The following CRACR2A variants were observed in gnomAD, a reference collection of about 807,000 sequenced individuals.
CRACR2A encodes EF-hand calcium-binding domain-containing protein 4B.
In CRACR2A, 79 loss-of-function variants were observed where a neutral mutation model predicts 90.5. The ratio of observed to expected loss-of-function variants is 0.87; its 90% confidence interval spans 0.73 to 1.05. The LOEUF is 1.05. Among genes scored for constraint, CRACR2A ranks in the 50% least tolerant of loss-of-function variants. The pLI, the probability that CRACR2A is intolerant of heterozygous loss-of-function variation, is 0.00. For missense variants in CRACR2A, 823 were observed against 897.2 expected (o/e 0.92, Z 1.06); for synonymous variants, 338 against 356.7 (o/e 0.95, Z 0.59).
intron 15 of CRACR2A, among the ~76,000 whole-genome samples, chr12:3,630,944 C>T (rs1944365784): frequency 6.6e-6 from 1 of 152,222 alleles, no homozygotes. Context: ...GCTGGAAGAA[C>T]AACCAAAGCC....
chr12:3,696,766 A>T lies in CRACR2A; in HGVS notation c.228+6T>A. ...AGTGGGCAGGCCTACCTGGGACCCC[A>T]CTTACCTGCATATCCTTCCTGGCGA... is the stretch of plus-strand genomic sequence containing the variant. On this transcript the variant is annotated splice_donor_region_variant and intron_variant, in intron 4 of 19. Coordinates refer to ENST00000440314, the MANE Select transcript of CRACR2A (RefSeq NM_001144958.2). The T allele has an allele frequency of 6.2e-7, 1 of 1,614,138 alleles. No homozygotes were observed. Among genetic ancestry groups the T allele is most frequent in the African/African-American group, 1.3e-5 (1 of 75,042 alleles).
At chr12:3,667,575 T>A (rs1173575037) in intron 7 of CRACR2A, among the ~76,000 whole-genome samples, 1 of 152,052 alleles carries the variant, frequency 6.6e-6, no homozygotes, top group Non-Finnish European at 1.5e-5. Context: ...TCTCAAGAAG[T>A]CTGCTCTTTG....
intron 7 of CRACR2A, 38 bp from the exon 8 acceptor site, chr12:3,659,692 C>T: frequency 2.0e-6 from 3 of 1,535,640 alleles, no homozygotes; most frequent in Non-Finnish European, 2.7e-6. Flanking sequence ...ATTGAGGTTC[C>T]CCTACTCCAC....
intron 6 of CRACR2A, among the ~76,000 whole-genome samples, 194 bp from the exon 7 acceptor site, chr12:3,673,786 A>C (rs1337769462): frequency 6.6e-6 from 1 of 152,218 alleles, no homozygotes; most frequent in Admixed American, 6.5e-5. Context: ...CGTCCTCACA[A>C]TAACCCTACA....
At chr12:3,627,953 C>G (rs1944297066) in intron 15 of CRACR2A, among the ~76,000 whole-genome samples, 1 of 152,086 alleles carries the variant, frequency 6.6e-6, no homozygotes, top group African/African-American at 2.4e-5. Context: ...CTTAACCACT[C>G]TGAACTGTGG....
Position 3,626,593 on chromosome 12 carries a change from C to T in CRACR2A, c.1932+843G>A, listed in dbSNP as rs145469133. Among the ~76,000 whole-genome samples the T allele has an allele frequency of 1.4e-4, 22 of 152,192 alleles. No homozygotes were observed. In the East Asian group the frequency reaches 2.3e-3, roughly 16 times the overall value. ...TCCCAGGCTCTAGAATAGTGCCTGC[C>T]GGTGTTTTGAACAAATACGTGAACA... On this transcript the variant is annotated intron_variant, in intron 17 of 19. Transcript: ENST00000440314.
chr12:3,640,764 ATC>A, intron 13 of CRACR2A: 1 of 1,305,378 alleles, frequency 7.7e-7, no homozygotes, highest in Non-Finnish European at 1.0e-6. Context: ...GGATGCCTCT[ATC>A]TCTCTGTGGC....
Position 3,633,842 on chromosome 12 carries a change from G to A in CRACR2A, c.1603-106C>T. ...ATCCCTACAGTGGCCCTCAGGAGGT[G>A]CAGACCGGCCTCTAGACCTGCACCA... is the stretch of plus-strand genomic sequence containing the variant. On this transcript the variant is annotated intron_variant, in intron 14 of 19. Transcript: ENST00000440314. The surrounding 1 kb of genome is among the most constrained non-coding windows in gnomAD (Gnocchi z 4.5). The A allele has an allele frequency of 1.4e-6, 2 of 1,468,038 alleles. No individual in the cohort carries two copies. Among genetic ancestry groups the A allele is most frequent in the East Asian group, 2.5e-5 (1 of 40,442 alleles). The allele number at this position is 1,468,038 out of a possible 1,614,324, so 90.9% of individuals were successfully genotyped here.
chr12:3,742,698 T>A (rs1946547515), intron 1 of CRACR2A, among the ~76,000 whole-genome samples: 1 of 152,244 alleles, frequency 6.6e-6, no homozygotes, highest in South Asian at 2.1e-4. Flanking sequence ...AGACACTGTC[T>A]ATAAGATGGA....
At chr12:3,698,094 C>T (rs999781706) in intron 3 of CRACR2A, among the ~76,000 whole-genome samples, 3 of 152,194 alleles carry the variant, frequency 2.0e-5, no homozygotes, top group East Asian at 1.9e-4. Flanking sequence ...TCTGTGAAAT[C>T]GCCACATCAT....
rs1398939152 is a variant in CRACR2A at position 3,644,633 on chromosome 12, T to A, written c.1126A>T (p.Asn376Tyr). The A allele has an allele frequency of 1.9e-6, 3 of 1,551,686 alleles. No individual in the cohort carries two copies. Among genetic ancestry groups the A allele is most frequent in the East Asian group, 2.4e-5 (1 of 40,922 alleles). Residue 376 changes from asparagine to tyrosine, a missense_variant, in exon 12 of 20, where the codon AAC (asparagine) becomes TAC (tyrosine). By Grantham distance (143) the Asn-to-Tyr change is moderately radical (BLOSUM62 -2). Transcript: ENST00000440314. ...LKQLDFLRER[N>Y]KHLRDERDIC... Reference sequence around the variant, plus strand: ...TCCCGTTCATCCCGAAGGTGCTTGTTCCTTTCCCTGTGGATGGTAAAGGGG... The same window carrying A: ...TCCCGTTCATCCCGAAGGTGCTTGTACCTTTCCCTGTGGATGGTAAAGGGG...
rs17697920 is a variant in CRACR2A, at chr12:3,673,535, C to T, written c.582G>A (p.Leu194=). The T allele has an allele frequency of 0.16, 253,219 of 1,613,470 alleles. 21,724 individuals are homozygous for T. Among genetic ancestry groups the T allele is most frequent in the Admixed American group, 0.29 (17,114 of 59,912 alleles). ...TGGTCAGGAAGTCTTCAAAGTTGGACAGTAAATGAGGTTCCTCCTTCTTCA... is the reference window on the plus strand; with the variant it reads ...TGGTCAGGAAGTCTTCAAAGTTGGATAGTAAATGAGGTTCCTCCTTCTTCA... ...LQLKKEEPHL[L]SNFEDFLTRI... is the part of the protein sequence containing the mutation. The change falls in exon 7 of 20, where the codon CTG becomes CTA. Residue 194 remains leucine, a synonymous_variant. Transcript: ENST00000440314.
chr12:3,720,158 A>G (rs1306856995), intron 2 of CRACR2A, among the ~76,000 whole-genome samples: 1 of 115,992 alleles, frequency 8.6e-6, no homozygotes, highest in Non-Finnish European at 1.7e-5. Flanking sequence ...AGAAAGAAAG[A>G]GAGAGAGAGA....
intron 11 of CRACR2A, 176 bp downstream of exon 11, chr12:3,648,364 CAT>C (rs1207822034): frequency 2.6e-6 from 4 of 1,512,218 alleles, no homozygotes; most frequent in Non-Finnish European, 3.5e-6. Flanking sequence ...ACGGACCAAA[CAT>C]AATAGAGTGG....
At chr12:3,712,911 ACCC>A (rs1170725106) in intron 3 of CRACR2A, among the ~76,000 whole-genome samples, 1 of 151,776 alleles carries the variant, frequency 6.6e-6, no homozygotes, top group African/African-American at 2.4e-5. Flanking sequence ...GGGCTAGCAG[ACCC>A]TCTCTGGAGG....
chr12:3,700,529 A>G (rs1453362705), intron 3 of CRACR2A, among the ~76,000 whole-genome samples: 1 of 152,258 alleles, frequency 6.6e-6, no homozygotes, highest in Non-Finnish European at 1.5e-5. Flanking sequence ...CTGGAAAAAG[A>G]TATAACACAT....
In CRACR2A at chr12:3,627,456, G is replaced by C. The variant is rs745880894; in HGVS notation, c.1912C>G (p.Arg638Gly). 3.2e-6 allele frequency: 5 copies of C among 1,551,918 alleles called. No homozygotes were observed. The East Asian group carries it at 1.2e-4, about 38-fold the overall frequency. Residue 638 changes from arginine to glycine, a missense_variant, in exon 17 of 20, where the codon CGG (arginine) becomes GGG (glycine). Transcript: ENST00000440314. ...TDKQSFLSVR[R>G]WLSSVEEAVG... ...CTCACCTCCACGCTGCTCAGCCACC[G>C]CCGGACCGACAGGAACGACTGCTTG...
intron 15 of CRACR2A, among the ~76,000 whole-genome samples, chr12:3,629,852 G>A (rs530391977): frequency 8.3e-5 from 11 of 133,134 alleles, no homozygotes; most frequent in Admixed American, 4.2e-4. Context: ...AAGACAAGGG[G>A]GGGGGGGGAT....
At position 3,697,037 on chromosome 12, in the gene CRACR2A, T is replaced by C. The variant is rs1464153593; in HGVS notation, c.-36-2A>G. On this transcript the variant is annotated splice_acceptor_variant, in intron 3 of 19. Transcript: ENST00000440314. LOFTEE classifies it low-confidence loss of function (5UTR_SPLICE). ...GTTTCTTGAAGTCTTTTTCAGAACC[T>C]GAACATAGAAAATGGGAGAGAGAAG... is the stretch of plus-strand genomic sequence containing the variant. 3.2e-6 allele frequency: 5 copies of C among 1,562,078 alleles called. No individual in the cohort carries two copies. Among genetic ancestry groups the C allele is most frequent in the Non-Finnish European group, 4.3e-6 (5 of 1,151,288 alleles).
Sources: gnomAD v4.1 joint callset for allele counts (sites outside exome capture counted in the v4.1 genomes callset) on GRCh38, gnomAD v4.1.1 for gene constraint, Gnocchi (gnomAD v3.1) non-coding constraint, MANE v1.5 for transcripts, NCBI Gene and HGNC (gene_info 2026-07-23, HGNC 2026-07-21) for gene names.